The following GRID2 variants were observed in gnomAD, a reference collection of about 807,000 sequenced individuals.
GRID2 encodes glutamate ionotropic receptor delta type subunit 2.
Under a neutral mutation model 114.8 loss-of-function variants are expected in GRID2, and 33 were observed. The ratio of observed to expected loss-of-function variants is 0.29; its 90% CI spans 0.22 to 0.38. The LOEUF (loss-of-function observed/expected upper bound fraction) is 0.38, where lower values mean the gene tolerates loss of function less well. GRID2 is among the 10% of genes least tolerant of loss of function. The pLI is 1.00. For synonymous variants in GRID2, 505 were observed against 449.9 expected, an observed-to-expected ratio of 1.12 and a Z score of -1.55; for missense variants, 1,184 against 1,257.7, an observed-to-expected ratio of 0.94 and a Z score of 0.89.
At chr4:92,840,220 G>A (rs1055078292) in intron 2 of GRID2, among the ~76,000 whole-genome samples, 1 of 151,868 alleles carries the variant, frequency 6.6e-6, no homozygotes, top group Non-Finnish European at 1.5e-5. Context: ...TACAGGTAAA[G>A]TGTGTCTCTT....
chr4:93,781,432 G>T (rs996252632), intron 1 of GRID2, among the ~76,000 whole-genome samples: 1 of 151,624 alleles, frequency 6.6e-6, no homozygotes, highest in East Asian at 1.9e-4. Flanking sequence ...GAGGGGCTGC[G>T]GTGAGGGGCT....
intron 14 of GRID2, among the ~76,000 whole-genome samples, chr4:93,759,059 T>C (rs1436043057): frequency 6.6e-6 from 1 of 152,116 alleles, no homozygotes; most frequent in African/African-American, 2.4e-5. Context: ...TGATTATCTA[T>C]TCATTTGCCG....
At chr4:93,713,658 G>A (rs952281026) in intron 14 of GRID2, among the ~76,000 whole-genome samples, 2 of 151,884 alleles carry the variant, frequency 1.3e-5, no homozygotes, top group African/African-American at 4.8e-5. Context: ...TGACAAGCAG[G>A]GTGCTTTTTT....
chr4:92,949,208 A>T (rs1751859752), intron 2 of GRID2, among the ~76,000 whole-genome samples: 1 of 151,856 alleles, frequency 6.6e-6, no homozygotes, highest in Non-Finnish European at 1.5e-5. Flanking sequence ...AGTAGCTTCT[A>T]AAATTTTGAG....
At chr4:92,652,981 T>A (rs1291982133) in intron 2 of GRID2, among the ~76,000 whole-genome samples, 1 of 144,058 alleles carries the variant, frequency 6.9e-6, no homozygotes, top group African/African-American at 2.5e-5. Context: ...TAAATACATA[T>A]AAATATATAT....
rs112524099 is a variant in GRID2 at position 93,649,835 on chromosome 4, A to G, written c.2360+23400A>G. Among the ~76,000 whole-genome samples the G allele has an allele frequency of 6.0e-3, 913 of 152,320 alleles. 10 individuals carry two copies. The highest frequency in any genetic ancestry group is 0.021 in the African/African-American group (879 of 41,564). The stretch of plus-strand genomic sequence containing the variant: ...TTCTGTCGCATAACTTTATAACTCC[A>G]AAATCCTAGTCCATCTCCAAAACAT... On this transcript the variant is annotated intron_variant, in intron 14 of 15. Transcript: ENST00000282020.
chr4:92,533,690 G>A (rs1473647777), intron 1 of GRID2, among the ~76,000 whole-genome samples: 1 of 152,032 alleles, frequency 6.6e-6, no homozygotes, highest in African/African-American at 2.4e-5. Context: ...TTAAAAACAA[G>A]GAGACAAAAT....
chr4:93,295,381 A>T (rs1382624467), intron 8 of GRID2, among the ~76,000 whole-genome samples: 1 of 152,204 alleles, frequency 6.6e-6, no homozygotes, highest in Non-Finnish European at 1.5e-5. Flanking sequence ...GGAAAGTGTG[A>T]TATCCTCAAT....
chr4:92,954,861 C>T (rs923129813), intron 2 of GRID2, among the ~76,000 whole-genome samples: 31 of 140,432 alleles, frequency 2.2e-4, no homozygotes, highest in East Asian at 1.3e-3. Context: ...TGAGAATATG[C>T]GGTGTTTGGT....
At chr4:93,694,682 A>G (rs781517367) in intron 14 of GRID2, among the ~76,000 whole-genome samples, 1 of 151,992 alleles carries the variant, frequency 6.6e-6, no homozygotes, top group African/African-American at 2.4e-5. Flanking sequence ...CTTTCTCCTC[A>G]TCCATTTTCT....
At chr4:92,466,616 T>A (rs1449265363) in intron 1 of GRID2, among the ~76,000 whole-genome samples, 1 of 151,892 alleles carries the variant, frequency 6.6e-6, no homozygotes, top group Non-Finnish European at 1.5e-5. Flanking sequence ...ATTTCCTTGG[T>A]TTCTTTTACA....
chr4:92,889,429 G>C (rs1746589915), intron 2 of GRID2, among the ~76,000 whole-genome samples: 1 of 152,058 alleles, frequency 6.6e-6, no homozygotes, highest in Non-Finnish European at 1.5e-5. Context: ...AAAGTCTCAG[G>C]ATCCAAAATC....
At chr4:92,921,784 C>T (rs1252540174) in intron 2 of GRID2, among the ~76,000 whole-genome samples, 1 of 152,194 alleles carries the variant, frequency 6.6e-6, no homozygotes, top group Non-Finnish European at 1.5e-5. Context: ...AGTTAGGCTA[C>T]TCAGGGGTCA....
intron 1 of GRID2, among the ~76,000 whole-genome samples, chr4:92,323,535 C>T (rs1439629805): frequency 6.6e-6 from 1 of 151,998 alleles, no homozygotes; most frequent in Non-Finnish European, 1.5e-5. Flanking sequence ...TTGGTCTCTT[C>T]CCCTCATTCT....
At chr4:93,332,518 C>G (rs373627857) in intron 8 of GRID2, among the ~76,000 whole-genome samples, 21 of 151,914 alleles carry the variant, frequency 1.4e-4, no homozygotes, top group African/African-American at 4.8e-4. Flanking sequence ...ACATGTTTTG[C>G]TAGGATTAAT....
chr4:92,737,362 CAGAT>C (rs1403487748), intron 2 of GRID2, among the ~76,000 whole-genome samples: 4 of 152,036 alleles, frequency 2.6e-5, no homozygotes, highest in African/African-American at 4.8e-5. Context: ...GCGATTTTGT[CAGAT>C]AGAAGAGTCT....
intron 2 of GRID2, among the ~76,000 whole-genome samples, chr4:92,745,017 AT>A (rs1243111783): frequency 1.3e-5 from 2 of 152,174 alleles, no homozygotes; most frequent in Non-Finnish European, 2.9e-5. Context: ...TATAAAGTAA[AT>A]GAGAAGATTC....
In GRID2 at chr4:93,772,590, T is replaced by TA. The variant is rs1478032241; in HGVS notation, c.*100dup. 43 of 878,150 alleles carry TA rather than the reference T, an allele frequency of 4.9e-5. No individual in the cohort carries two copies. Among genetic ancestry groups the TA allele is most frequent in the Non-Finnish European group, 5.1e-5 (29 of 574,102 alleles). The allele number at this position is 878,150 out of a possible 1,614,324, so 54.4% of individuals were successfully genotyped here. ...GTGGGACTAACATGGATGTAACGTT[T>TA]AAAAAAAAGATCAGGATTATTAGTA... On this transcript the variant is annotated 3_prime_UTR_variant, in exon 16 of 16. Transcript: ENST00000282020.
At chr4:92,363,715 G>T (rs1728722363) in intron 1 of GRID2, among the ~76,000 whole-genome samples, 1 of 151,400 alleles carries the variant, frequency 6.6e-6, no homozygotes, top group Non-Finnish European at 1.5e-5. Context: ...ATGGAAAAGG[G>T]TTTAGCTTAG....
Sources: gnomAD v4.1 joint callset for allele counts (sites outside exome capture counted in the v4.1 genomes callset) on GRCh38, gnomAD v4.1.1 for gene constraint, MANE v1.5 for transcripts, NCBI Gene and HGNC (gene_info 2026-07-23, HGNC 2026-07-21) for gene names.